DYRK1A: variants seen among roughly 807,000 people sequenced by gnomAD.
DYRK1A encodes the protein dual specificity tyrosine phosphorylation regulated kinase 1A.
Under a neutral mutation model 79.7 loss-of-function variants are expected in DYRK1A, and 9 were observed. That is an observed-to-expected ratio of 0.11 (90% CI 0.07 to 0.20). DYRK1A has a LOEUF of 0.20. Ranked by LOEUF, DYRK1A falls within the 10% of genes least tolerant of loss-of-function variation. The pLI is 1.00. For missense variants in DYRK1A, 622 were observed against 956.0 expected (o/e 0.65, Z 4.61); for synonymous variants, 349 against 329.7 (o/e 1.06, Z -0.63).
intron 2 of DYRK1A, among the ~76,000 whole-genome samples, chr21:37,443,837 A>G (rs1480532550): frequency 1.3e-5 from 2 of 152,162 alleles, no homozygotes; most frequent in Non-Finnish European, 2.9e-5. Context: ...CCATTTTATA[A>G]TAACACCAGT....
chr21:37,405,507 T>C (rs1256285639), intron 1 of DYRK1A, among the ~76,000 whole-genome samples: 1 of 152,148 alleles, frequency 6.6e-6, no homozygotes, highest in Non-Finnish European at 1.5e-5. Flanking sequence ...TACCTCCAGA[T>C]CCCCACCCAC....
intron 1 of DYRK1A, among the ~76,000 whole-genome samples, chr21:37,387,519 A>G (rs1193239318): frequency 6.6e-6 from 1 of 152,164 alleles, no homozygotes; most frequent in Non-Finnish European, 1.5e-5. Context: ...AAAATATCCG[A>G]CAGTTGTTTT....
At chr21:37,451,845 C>T (rs1284817124) in intron 2 of DYRK1A, among the ~76,000 whole-genome samples, 1 of 152,124 alleles carries the variant, frequency 6.6e-6, no homozygotes, top group Non-Finnish European at 1.5e-5. Context: ...ATTCTGAGAA[C>T]GTTTCTTAGC....
At chr21:37,443,544 G>A (rs1272474425) in intron 2 of DYRK1A, among the ~76,000 whole-genome samples, 1 of 152,188 alleles carries the variant, frequency 6.6e-6, no homozygotes, top group Non-Finnish European at 1.5e-5. Flanking sequence ...GGGTTACTTA[G>A]AAATAGTTTG....
At chr21:37,383,578 C>T (rs1182112038) in intron 1 of DYRK1A, among the ~76,000 whole-genome samples, 1 of 152,174 alleles carries the variant, frequency 6.6e-6, no homozygotes, top group Admixed American at 6.5e-5. Context: ...GAAGAGTTCA[C>T]AGCATATATT....
intron 7 of DYRK1A, among the ~76,000 whole-genome samples, chr21:37,491,980 G>A (rs553762992): frequency 2.6e-4 from 39 of 152,264 alleles, no homozygotes; most frequent in Non-Finnish European, 4.9e-4. Flanking sequence ...AAGGTGGTAG[G>A]GCAAGTGTGT....
intron 1 of DYRK1A, among the ~76,000 whole-genome samples, chr21:37,400,711 A>G (rs770218720): frequency 5.3e-5 from 8 of 152,210 alleles, no homozygotes; most frequent in Non-Finnish European, 7.3e-5. Flanking sequence ...AATGAGTCTG[A>G]GTTTAGGGAA....
At chr21:37,475,958 T>G (rs2052379940) in intron 3 of DYRK1A, among the ~76,000 whole-genome samples, 1 of 152,184 alleles carries the variant, frequency 6.6e-6, no homozygotes, top group Non-Finnish European at 1.5e-5. Flanking sequence ...GTAACTAATT[T>G]TAATAAATGC....
intron 2 of DYRK1A, among the ~76,000 whole-genome samples, chr21:37,471,609 A>G (rs2052227283): frequency 2.0e-5 from 3 of 152,214 alleles, no homozygotes. Flanking sequence ...AGGTATTATT[A>G]TCATTATCAG....
intron 2 of DYRK1A, among the ~76,000 whole-genome samples, chr21:37,430,956 A>G (rs1006705258): frequency 2.0e-5 from 3 of 152,134 alleles, no homozygotes; most frequent in Non-Finnish European, 4.4e-5. Context: ...ACCACCCAGA[A>G]TGGCATCTGC....
chr21:37,474,558 T>A (rs2052334020), intron 3 of DYRK1A, among the ~76,000 whole-genome samples: 1 of 152,190 alleles, frequency 6.6e-6, no homozygotes, highest in Non-Finnish European at 1.5e-5. Flanking sequence ...GGCTTCAAGG[T>A]CTTGGCCGGC....
At chr21:37,371,819 AGAAT>A (rs1057022501) in intron 1 of DYRK1A, among the ~76,000 whole-genome samples, 2 of 152,208 alleles carry the variant, frequency 1.3e-5, no homozygotes, top group African/African-American at 4.8e-5. Context: ...GGCTTAACAT[AGAAT>A]GAAACTGGCT....
In DYRK1A at chr21:37,496,100, T is replaced by G. The variant is rs1430028829; in HGVS notation, c.1072-18T>G. On this transcript the variant is annotated intron_variant, in intron 8 of 11. Coordinates refer to ENST00000647188, the MANE Select transcript of DYRK1A (RefSeq NM_001347721.2). ...ACAGTAGAAATTACAGGTTTTGTTG[T>G]TTTTATTTTTAATACAGGTAGATCA... 1 of 1,593,450 alleles carries G rather than the reference T, an allele frequency of 6.3e-7. No homozygotes were observed.
intron 9 of DYRK1A, among the ~76,000 whole-genome samples, chr21:37,499,465 A>G (rs2053374439): frequency 6.6e-6 from 1 of 152,198 alleles, no homozygotes; most frequent in Non-Finnish European, 1.5e-5. Flanking sequence ...TACCAAAAAA[A>G]TGGTGCTAGC....
intron 1 of DYRK1A, among the ~76,000 whole-genome samples, chr21:37,406,404 A>G (rs1480462235): frequency 2.0e-5 from 3 of 152,172 alleles, no homozygotes; most frequent in Non-Finnish European, 4.4e-5. Context: ...TTGAAAATAT[A>G]AAGTGATGGG....
At chr21:37,378,230 A>T (rs1449631126) in intron 1 of DYRK1A, among the ~76,000 whole-genome samples, 1 of 152,212 alleles carries the variant, frequency 6.6e-6, no homozygotes, top group Non-Finnish European at 1.5e-5. Flanking sequence ...GATGTATGTT[A>T]TAGTTAAAGT....
chr21:37,402,467 A>G (rs1175760674), intron 1 of DYRK1A, among the ~76,000 whole-genome samples: 4 of 152,234 alleles, frequency 2.6e-5, no homozygotes, highest in African/African-American at 9.6e-5. Flanking sequence ...GATGAGATGT[A>G]AGTGGTAATG....
intron 1 of DYRK1A, chr21:37,420,000 A>G (rs1048231320): frequency 6.2e-6 from 1 of 161,666 alleles, no homozygotes; most frequent in African/African-American, 2.4e-5. Flanking sequence ...AGATAAAGTA[A>G]ATGGTGGAAT....
At chr21:37,494,360 T>C (rs1036664878) in intron 8 of DYRK1A, among the ~76,000 whole-genome samples, 6 of 152,148 alleles carry the variant, frequency 3.9e-5, no homozygotes. Context: ...CCGAGGTCCT[T>C]TGAGTAACCC....
Sources: gnomAD v4.1 joint callset for allele counts (sites outside exome capture counted in the v4.1 genomes callset) on GRCh38, gnomAD v4.1.1 for gene constraint, MANE v1.5 for transcripts, NCBI Gene and HGNC (gene_info 2026-07-23, HGNC 2026-07-21) for gene names.